The following NOP9 variants were observed in gnomAD, a reference collection of about 807,000 sequenced individuals.
The protein encoded by NOP9 is NOP9 nucleolar protein.
A neutral mutation model predicts 63.0 loss-of-function variants in NOP9; 50 were observed. The ratio of observed to expected loss-of-function variants is 0.79; its 90% CI spans 0.63 to 1.00. NOP9 has a LOEUF of 1.00. Ranked by LOEUF, NOP9 falls within the 50% of genes least tolerant of loss-of-function variation. NOP9 has a pLI of 0.00. For missense variants in NOP9, 758 were observed against 803.0 expected (o/e 0.94, Z 0.68); for synonymous variants, 343 against 332.8 (o/e 1.03, Z -0.33).
the NOP9 span, among the ~76,000 whole-genome samples, chr14:24,279,418 C>T: frequency 3.9e-5 from 6 of 152,308 alleles, no homozygotes; most frequent in South Asian, 1.2e-3. Flanking sequence ...GCCTGTAGCA[C>T]ACTTCCTGGC....
the NOP9 span, chr14:24,293,594 AG>A: frequency 1.3e-5 from 2 of 151,762 alleles, no homozygotes; most frequent in Non-Finnish European, 2.9e-5. Flanking sequence ...ATAAATAAAA[AG>A]AAAGAGAACA....
chr14:24,293,335 G>A, the NOP9 span: 1 of 153,016 alleles, frequency 6.5e-6, no homozygotes, highest in African/African-American at 2.4e-5. Flanking sequence ...AGCACTTTGG[G>A]AGGCGAGGGG....
the NOP9 span, among the ~76,000 whole-genome samples, chr14:24,272,592 A>G: frequency 4.1e-3 from 627 of 152,288 alleles, no homozygotes; most frequent in African/African-American, 0.014. Context: ...TACTGAATCC[A>G]TTTTTCTAAA....
At chr14:24,283,585 C>T in the NOP9 span, among the ~76,000 whole-genome samples, 2 of 152,200 alleles carry the variant, frequency 1.3e-5, no homozygotes, top group Admixed American at 6.5e-5. Flanking sequence ...GCTCACGCTA[C>T]AGAGTGAGAC....
chr14:24,300,121 A>G lies in NOP9; in HGVS notation c.167A>G (p.His56Arg), dbSNP rs1288923775. ...RSEPAPDSHP[H>R]LSPEALGYFR... Reference sequence around the variant, plus strand: ...GAGCCGGCTCCAGATTCGCACCCGCACCTGAGCCCGGAAGCTCTGGGATAT... The same window carrying G: ...GAGCCGGCTCCAGATTCGCACCCGCGCCTGAGCCCGGAAGCTCTGGGATAT... Residue 56 changes from histidine (H) to arginine (R), a missense_variant, in exon 1 of 10, where the codon CAC becomes CGC. Coordinates refer to ENST00000267425, the MANE Select transcript of NOP9 (RefSeq NM_174913.3). The G allele has an allele frequency of 6.2e-7, 1 of 1,613,626 alleles. No individual in the cohort carries two copies. Among genetic ancestry groups the G allele is most frequent in the Non-Finnish European group, 8.5e-7 (1 of 1,179,874 alleles).
At chr14:24,301,002 A>G in intron 2 of NOP9, 145 bp downstream of exon 2, 1 of 686,536 alleles carries the variant, frequency 1.5e-6, no homozygotes, top group Non-Finnish European at 2.4e-6. Flanking sequence ...AACAGGGCTT[A>G]GCAAGCCAAA....
chr14:24,296,664 G>A (rs777108915), upstream of NOP9: 49 of 1,613,486 alleles, frequency 3.0e-5, no homozygotes, highest in Non-Finnish European at 4.2e-5. Context: ...AAGGGACAAT[G>A]AGTGGGGATG....
In NOP9 at chr14:24,301,640, T is replaced by TA; in HGVS notation, c.728dup (p.Pro244AlafsTer3). ...CACAGAAGACCCCAGCTCAGGAATG[T>TA]AAGCCAGCTGATTTTGAAGTCCCTG... On this transcript the variant is annotated frameshift_variant, in exon 3 of 10. Transcript: ENST00000267425. LOFTEE classifies it high-confidence loss of function. 1 of 1,614,198 alleles carries TA rather than the reference T, an allele frequency of 6.2e-7. No homozygotes were observed. Among genetic ancestry groups the TA allele is most frequent in the Non-Finnish European group, 8.5e-7 (1 of 1,180,010 alleles).
chr14:24,291,353 T>TG, the NOP9 span: 1 of 1,144,638 alleles, frequency 8.7e-7, no homozygotes, highest in Non-Finnish European at 1.3e-6. Flanking sequence ...TCTTGGGCCT[T>TG]GGACTTTTTC....
chr14:24,300,701 G>A lies in NOP9; in HGVS notation c.541G>A (p.Glu181Lys). Residue 181 changes from glutamate (E) to lysine (K), a missense_variant, in exon 2 of 10, where the codon GAG becomes AAG. Transcript: ENST00000267425. Reference sequence around the variant, plus strand: ...GGATGGTCCCACGGAGACCCTGGAGGAGCTGGTCCTGGGACTAGCCGCTGA... The same window carrying A: ...GGATGGTCCCACGGAGACCCTGGAGAAGCTGGTCCTGGGACTAGCCGCTGA... ...GKDGPTETLE[E>K]LVLGLAAEVC... 6.2e-7 allele frequency: 1 copy of A among 1,614,136 alleles called. No homozygotes were observed. Among genetic ancestry groups the A allele is most frequent in the Non-Finnish European group, 8.5e-7 (1 of 1,180,028 alleles).
chr14:24,290,598 T>C, the NOP9 span: 18 of 423,094 alleles, frequency 4.3e-5, no homozygotes, highest in East Asian at 8.8e-5. Flanking sequence ...CAAAAACACA[T>C]TGAAAGAGAA....
Position 24,308,934 on chromosome 14 carries a change from T to G in NOP9, c.*3839T>G, listed in dbSNP as rs927443521. ...CAGAGCCTTGAAAAGGTATTCAGGT[T>G]GTTGCCCAAAACACTGAAAAAAACT... On this transcript the variant is annotated 3_prime_UTR_variant, in exon 10 of 10. Transcript: ENST00000267425. 2 of 152,246 alleles carry G rather than the reference T, an allele frequency of 1.3e-5. No individual in the cohort carries two copies. Among genetic ancestry groups the G allele is most frequent in the African/African-American group, 4.8e-5 (2 of 41,470 alleles). 9.4% of individuals were successfully genotyped at this position (152,246 alleles called of 1,614,324 possible). A position where few individuals can be genotyped will look rare whatever the true frequency, so the allele number is the denominator to read the frequency against.
At position 24,304,262 on chromosome 14, in the gene NOP9, G is replaced by C. The variant is rs1481516499; in HGVS notation, c.1632G>C (p.Val544=). The change falls in exon 8 of 10, where the codon GTG becomes GTC. Residue 544 remains valine, a synonymous_variant. Transcript: ENST00000267425. ...PSVTRKLRRR[V]LQNLKGQYVA... ...TGACGCGCAAGCTGCGCCGCCGTGT[G>C]CTGCAGAACCTAAAGGTTAGATTTC... 6.2e-7 allele frequency: 1 copy of C among 1,613,764 alleles called. No individual in the cohort carries two copies. Among genetic ancestry groups the C allele is most frequent in the East Asian group, 2.2e-5 (1 of 44,886 alleles).
chr14:24,280,068 T>G, the NOP9 span, among the ~76,000 whole-genome samples: 2 of 152,164 alleles, frequency 1.3e-5, no homozygotes, highest in African/African-American at 4.8e-5. Context: ...CAACAAATAC[T>G]GACTGAGGGC....
the NOP9 span, chr14:24,292,902 G>T: frequency 7.3e-7 from 1 of 1,362,792 alleles, no homozygotes; most frequent in South Asian, 1.6e-5. Flanking sequence ...AGGCTACACA[G>T]GGTGGGTTAG....
upstream of NOP9, chr14:24,296,593 A>C: frequency 6.2e-7 from 1 of 1,614,064 alleles, no homozygotes; most frequent in Non-Finnish European, 8.5e-7. Flanking sequence ...GATCGTCTGG[A>C]AGGCACAGGG....
chr14:24,291,350 C>A, the NOP9 span: 1 of 1,148,160 alleles, frequency 8.7e-7, no homozygotes, highest in East Asian at 2.4e-5. Flanking sequence ...TTCTCTTGGG[C>A]CTTGGACTTT....
At chr14:24,271,228 G>C in the NOP9 span, 2 of 1,349,854 alleles carry the variant, frequency 1.5e-6, no homozygotes, top group East Asian at 5.0e-5. Context: ...CCACAGCTGT[G>C]TCCGGAAGCA....
rs1375162471 is a variant in NOP9, at chr14:24,305,914, G to A, written c.*819G>A. 5 of 1,600,956 alleles carry A rather than the reference G, an allele frequency of 3.1e-6. No homozygotes were observed. In the African/African-American group the frequency reaches 5.4e-5, roughly 17 times the overall value. ...AATTATGGGGACTATCCAACTGTAG[G>A]GGATGGGGCAGTATGACATGTTGAT... On this transcript the variant is annotated 3_prime_UTR_variant, in exon 10 of 10. Transcript: ENST00000267425.
Sources: gnomAD v4.1 joint callset for allele counts (sites outside exome capture counted in the v4.1 genomes callset) on GRCh38, gnomAD v4.1.1 for gene constraint, MANE v1.5 for transcripts, NCBI Gene and HGNC (gene_info 2026-07-23, HGNC 2026-07-21) for gene names.